Variants in ANKS1B observed in about 807,000 individuals in gnomAD.
ANKS1B encodes ankyrin repeat and sterile alpha motif domain containing 1B, also known as ankyrin repeat and sterile alpha motif domain-containing protein 1B.
A neutral mutation model predicts 148.3 loss-of-function variants in ANKS1B; 36 were observed. The ratio of observed to expected loss-of-function variants is 0.24; its 90% CI spans 0.19 to 0.32. The LOEUF is 0.32. ANKS1B is among the 10% of genes least tolerant of loss of function. The pLI is 1.00. For synonymous variants in ANKS1B, 542 were observed against 560.8 expected (o/e 0.97, Z 0.47); for missense variants, 1,157 against 1,542.6 (o/e 0.75, Z 4.19).
At chr12:99,293,829 T>C (rs1306024032) in intron 12 of ANKS1B, among the ~76,000 whole-genome samples, 2 of 152,152 alleles carry the variant, frequency 1.3e-5, no homozygotes, top group African/African-American at 4.8e-5. Context: ...CTCTATAGGA[T>C]AGAAACCTAA....
intron 14 of ANKS1B, among the ~76,000 whole-genome samples, chr12:99,236,297 C>T (rs1442551346): frequency 1.3e-5 from 2 of 152,178 alleles, no homozygotes; most frequent in African/African-American, 4.8e-5. Context: ...GTTTTTCACA[C>T]TGCTGTAAAG....
intron 12 of ANKS1B, among the ~76,000 whole-genome samples, chr12:99,276,424 T>C (rs2077677142): frequency 1.3e-5 from 2 of 152,148 alleles, no homozygotes; most frequent in South Asian, 2.1e-4. Flanking sequence ...CAATTCAGTA[T>C]TACTGATGTC....
chr12:98,796,572 C>T (rs982765969), intron 22 of ANKS1B, among the ~76,000 whole-genome samples: 4 of 152,184 alleles, frequency 2.6e-5, no homozygotes, highest in African/African-American at 9.7e-5. Context: ...CAGATCAACC[C>T]TATGCTTCTG....
chr12:99,134,645 T>TCTCTCACACACACA (rs1380319841), intron 15 of ANKS1B, among the ~76,000 whole-genome samples: 4 of 105,048 alleles, frequency 3.8e-5, no homozygotes, highest in African/African-American at 7.7e-5. Context: ...TCTCTCTCTC[T>TCTCTCACACACACA]CACACACACA....
intron 17 of ANKS1B, among the ~76,000 whole-genome samples, chr12:98,863,819 T>C (rs1440374106): frequency 2.0e-5 from 3 of 152,230 alleles, no homozygotes; most frequent in Non-Finnish European, 4.4e-5. Context: ...CATATATTAA[T>C]ACATTTTTTC....
intron 12 of ANKS1B, among the ~76,000 whole-genome samples, chr12:99,363,839 C>T (rs2092620328): frequency 6.6e-6 from 1 of 152,108 alleles, no homozygotes; most frequent in Non-Finnish European, 1.5e-5. Context: ...ATCTTAGAGA[C>T]AGAAGCCAAC....
chr12:98,787,957 A>G lies in ANKS1B; in HGVS notation c.3343-5820T>C, dbSNP rs568473488. On this transcript the variant is annotated intron_variant, in intron 22 of 26. Coordinates refer to ENST00000683438, the MANE Select transcript of ANKS1B (RefSeq NM_001352186.2). ...TCCATCTCCAAAAAAAAAAAAAAGG[A>G]AGCACAGTGCCAGCCTCTCAACACG... Among the ~76,000 whole-genome samples the G allele has an allele frequency of 4.9e-4, 71 of 145,570 alleles. 1 individual carries two copies. The South Asian group carries it at 1.0e-2, about 20-fold the overall frequency.
intron 1 of ANKS1B, among the ~76,000 whole-genome samples, chr12:99,856,353 A>G (rs531359358): frequency 5.9e-4 from 90 of 152,212 alleles, no homozygotes; most frequent in African/African-American, 2.1e-3. Context: ...GCCCTCCTAC[A>G]TTAAACCAAG....
At chr12:99,475,447 AACT>A (rs2152919645) in intron 10 of ANKS1B, among the ~76,000 whole-genome samples, 1 of 151,960 alleles carries the variant, frequency 6.6e-6, no homozygotes, top group East Asian at 1.9e-4. Flanking sequence ...ATCAAATAGA[AACT>A]ACTAAGAAAT....
intron 8 of ANKS1B, among the ~76,000 whole-genome samples, chr12:99,761,532 T>C (rs985531228): frequency 6.6e-6 from 1 of 151,980 alleles, no homozygotes; most frequent in Admixed American, 6.6e-5. Context: ...AAATTAGGCA[T>C]CAAAGAAACA....
intron 11 of ANKS1B, among the ~76,000 whole-genome samples, chr12:99,428,339 T>C: frequency 6.6e-6 from 1 of 152,006 alleles, no homozygotes; most frequent in East Asian, 1.9e-4. Flanking sequence ...GCAGGAGGTG[T>C]CCATGTGGAG....
intron 1 of ANKS1B, among the ~76,000 whole-genome samples, chr12:99,865,039 G>A (rs2090546687): frequency 6.6e-6 from 1 of 152,224 alleles, no homozygotes; most frequent in South Asian, 2.1e-4. Flanking sequence ...AAGCATCAAT[G>A]TTAATGAGCT....
intron 9 of ANKS1B, chr12:99,649,425 C>T (rs371118694): frequency 1.5e-5 from 24 of 1,563,790 alleles, no homozygotes; most frequent in African/African-American, 2.7e-5. Context: ...ACATATACTA[C>T]GTTCAAGAGT....
At chr12:99,876,751 G>C (rs2092101934) in intron 1 of ANKS1B, among the ~76,000 whole-genome samples, 1 of 151,036 alleles carries the variant, frequency 6.6e-6, no homozygotes, top group African/African-American at 2.4e-5. Context: ...AAAAGAGAGA[G>C]AGAGGAAAGA....
intron 9 of ANKS1B, among the ~76,000 whole-genome samples, chr12:99,520,741 T>C (rs1024648915): frequency 2.0e-5 from 3 of 152,126 alleles, no homozygotes; most frequent in Admixed American, 2.0e-4. Flanking sequence ...AGTTGCGCTT[T>C]ATTGTTTTTT....
intron 12 of ANKS1B, among the ~76,000 whole-genome samples, chr12:99,335,669 T>G (rs1446682881): frequency 6.6e-6 from 1 of 152,158 alleles, no homozygotes; most frequent in African/African-American, 2.4e-5. Context: ...TTGTTGCAAA[T>G]GACAGGATCT....
intron 10 of ANKS1B, among the ~76,000 whole-genome samples, chr12:99,474,265 T>C (rs2096282768): frequency 6.6e-6 from 1 of 152,120 alleles, no homozygotes; most frequent in African/African-American, 2.4e-5. Flanking sequence ...CAACAGTTTG[T>C]ATAGCATTGG....
At chr12:99,807,597 A>G (rs2067800231) in intron 3 of ANKS1B, among the ~76,000 whole-genome samples, 1 of 152,182 alleles carries the variant, frequency 6.6e-6, no homozygotes, top group Non-Finnish European at 1.5e-5. Context: ...CCACCATCAG[A>G]GTTATCATCA....
intron 17 of ANKS1B, among the ~76,000 whole-genome samples, chr12:98,949,508 T>C (rs2153067853): frequency 1.3e-5 from 2 of 152,292 alleles, no homozygotes; most frequent in South Asian, 4.1e-4. Context: ...TTGAGCCTCA[T>C]TGGTCCAAAG....
Sources: allele counts gnomAD v4.1 joint callset (sites outside exome capture counted in the v4.1 genomes callset), GRCh38; gene constraint gnomAD v4.1.1; transcripts MANE v1.5; gene names NCBI Gene and HGNC (gene_info 2026-07-23, HGNC 2026-07-21).